Variants in LARP4B observed in about 807,000 individuals in gnomAD.
LARP4B encodes La ribonucleoprotein 4B.
LARP4B carries 12 observed loss-of-function variants against 89.8 expected under a neutral mutation model. The observed-to-expected ratio is 0.13, with a 90% CI of 0.09 to 0.22. The LOEUF is 0.22. Among genes scored for constraint, LARP4B ranks in the 10% least tolerant of loss-of-function variants. The pLI, the probability that LARP4B is intolerant of heterozygous loss-of-function variation, is 1.00. For missense variants in LARP4B, 757 were observed against 947.7 expected (o/e 0.80, Z 2.64); for synonymous variants, 367 against 363.3 (o/e 1.01, Z -0.12).
upstream of LARP4B, among the ~76,000 whole-genome samples, chr10:932,340 T>A (rs1163250259): frequency 2.3e-5 from 2 of 86,002 alleles, no homozygotes. Context: ...GCCCCGGCCC[T>A]GCCCCGAACT....
At chr10:841,488 C>T (rs1384524214) in intron 7 of LARP4B, among the ~76,000 whole-genome samples, 1 of 152,220 alleles carries the variant, frequency 6.6e-6, no homozygotes, top group Non-Finnish European at 1.5e-5. Context: ...TAAGCAAGCA[C>T]ACAGAGCAAT....
At chr10:982,724 T>C in the LARP4B span, among the ~76,000 whole-genome samples, 1 of 152,246 alleles carries the variant, frequency 6.6e-6, no homozygotes, top group African/African-American at 2.4e-5. Context: ...AGTATTGGCA[T>C]GGCAGTCTGC....
chr10:899,140 T>C (rs1366509159), intron 1 of LARP4B, among the ~76,000 whole-genome samples: 1 of 152,234 alleles, frequency 6.6e-6, no homozygotes, highest in Non-Finnish European at 1.5e-5. Context: ...TATTTCTCTT[T>C]TTATACAACA....
chr10:885,228 T>C (rs1220707077), intron 2 of LARP4B, among the ~76,000 whole-genome samples: 1 of 152,160 alleles, frequency 6.6e-6, no homozygotes, highest in African/African-American at 2.4e-5. Context: ...AAGAAAAACC[T>C]GAACACAACA....
At chr10:831,225 T>C (rs981688591) in intron 8 of LARP4B, among the ~76,000 whole-genome samples, 7 of 150,368 alleles carry the variant, frequency 4.7e-5, no homozygotes, top group Non-Finnish European at 7.4e-5. Flanking sequence ...ACCATTAAGC[T>C]AGATTAATGT....
chr10:879,752 G>C (rs1447519674), intron 3 of LARP4B, among the ~76,000 whole-genome samples: 3 of 150,114 alleles, frequency 2.0e-5, no homozygotes, highest in Non-Finnish European at 3.0e-5. Context: ...ATAGGTGTGA[G>C]CCACTACATC....
chr10:819,724 T>C (rs1286469829), intron 14 of LARP4B: 3 of 152,242 alleles, frequency 2.0e-5, no homozygotes, highest in Non-Finnish European at 4.4e-5. Flanking sequence ...CTAATTCCAA[T>C]TGCAATTAAC....
chr10:934,492 A>G (rs1353085509), upstream of LARP4B, among the ~76,000 whole-genome samples: 2 of 152,104 alleles, frequency 1.3e-5, no homozygotes, highest in Admixed American at 6.5e-5. Flanking sequence ...CCTGTCTCAA[A>G]AAAAGAAAAA....
intron 1 of LARP4B, among the ~76,000 whole-genome samples, chr10:923,456 G>C (rs1473457755): frequency 1.3e-5 from 2 of 151,174 alleles, no homozygotes; most frequent in South Asian, 4.2e-4. Flanking sequence ...AGGAAGAAGT[G>C]TGACTGCTCC....
chr10:908,757 A>G (rs1194687779), intron 1 of LARP4B, among the ~76,000 whole-genome samples: 1 of 152,240 alleles, frequency 6.6e-6, no homozygotes, highest in Non-Finnish European at 1.5e-5. Context: ...AATCCTTTCC[A>G]AAATATACTG....
At chr10:931,016 A>G (rs1431908591) in intron 1 of LARP4B, among the ~76,000 whole-genome samples, 3 of 148,646 alleles carry the variant, frequency 2.0e-5, no homozygotes, top group Admixed American at 2.0e-4. Context: ...CCTTCGCCCA[A>G]CCCCGGCCTC....
Position 822,786 on chromosome 10 carries a change from C to G in LARP4B, c.1485-1941G>C, listed in dbSNP as rs577637729. Among the ~76,000 whole-genome samples the G allele has an allele frequency of 6.6e-6, 1 of 152,314 alleles. No homozygotes were observed. Among genetic ancestry groups the G allele is most frequent in the African/African-American group, 2.4e-5 (1 of 41,568 alleles). ...AAGAGGTGTGCTTCCCCCAGCTGAT[C>G]CTAACAGTAGCTCCACCAAGGCAGC... On this transcript the variant is annotated intron_variant, in intron 13 of 17. Transcript: ENST00000316157. This position sits in a 1 kb window ranked among gnomAD's most constrained non-coding sequence, Gnocchi z 4.6.
Position 872,952 on chromosome 10 carries a change from C to T in LARP4B, c.142-8682G>A, listed in dbSNP as rs10904576. On this transcript the variant is annotated intron_variant, in intron 3 of 17. Transcript: ENST00000316157. ...GACCCTGCGAAAATCCTTGTCCGCG[C>T]GCTAACGCCAGCTACACTGCTGGCT... is the stretch of plus-strand genomic sequence containing the variant. The T allele has an allele frequency of 6.7e-6, 6 of 896,982 alleles. No individual in the cohort carries two copies. The African/African-American group carries it at 9.0e-5, about 13-fold the overall frequency. 55.6% of individuals were successfully genotyped at this position (896,982 alleles called of 1,614,324 possible). A position where few individuals can be genotyped will look rare whatever the true frequency, so the allele number is the denominator to read the frequency against.
the LARP4B span, among the ~76,000 whole-genome samples, chr10:974,702 G>C: frequency 6.6e-6 from 1 of 152,140 alleles, no homozygotes; most frequent in African/African-American, 2.4e-5. Context: ...GACTGTAATC[G>C]GTTCTGTGTT....
At chr10:928,147 G>C (rs185811926) in intron 1 of LARP4B, among the ~76,000 whole-genome samples, 1 of 151,432 alleles carries the variant, frequency 6.6e-6, no homozygotes. Context: ...ACCTGAACCC[G>C]AGAGGCGGAG....
intron 1 of LARP4B, among the ~76,000 whole-genome samples, chr10:899,088 G>A (rs934191664): frequency 6.6e-6 from 1 of 152,032 alleles, no homozygotes; most frequent in African/African-American, 2.4e-5. Flanking sequence ...GTAAAGATAA[G>A]CATCTTTTTT....
intron 7 of LARP4B, among the ~76,000 whole-genome samples, chr10:838,421 A>G (rs529538939): frequency 2.4e-4 from 36 of 152,350 alleles, no homozygotes; most frequent in Admixed American, 8.5e-4. Context: ...AAAATCAACA[A>G]TAAGAAAATG....
chr10:876,299 G>A (rs532765909), intron 3 of LARP4B, among the ~76,000 whole-genome samples: 8 of 151,990 alleles, frequency 5.3e-5, no homozygotes, highest in African/African-American at 9.7e-5. Flanking sequence ...CAGGAGAATC[G>A]CTTGAACCCA....
intron 3 of LARP4B, among the ~76,000 whole-genome samples, chr10:868,655 T>G (rs1346500704): frequency 6.6e-6 from 1 of 152,258 alleles, no homozygotes; most frequent in Non-Finnish European, 1.5e-5. Flanking sequence ...GATGTAGTTT[T>G]ATACTGTTTT....
Sources: allele counts gnomAD v4.1 joint callset (sites outside exome capture counted in the v4.1 genomes callset), GRCh38; gene constraint gnomAD v4.1.1; non-coding constraint Gnocchi (gnomAD v3.1); transcripts MANE v1.5; gene names NCBI Gene and HGNC (gene_info 2026-07-23, HGNC 2026-07-21).